The following SLC7A11 variants were observed in gnomAD, a reference collection of about 807,000 sequenced individuals.
SLC7A11 encodes solute carrier family 7 member 11.
A neutral mutation model predicts 54.5 loss-of-function variants in SLC7A11; 35 were observed. The ratio of observed to expected loss-of-function variants is 0.64; its 90% confidence interval spans 0.49 to 0.85. SLC7A11 has a LOEUF of 0.85. SLC7A11 is among the 40% of genes least tolerant of loss of function. The pLI, the probability that SLC7A11 is intolerant of heterozygous loss-of-function variation, is 0.00. For missense variants in SLC7A11, 583 were observed against 618.1 expected (o/e 0.94, Z 0.60); for synonymous variants, 230 against 225.2 (o/e 1.02, Z -0.19).
chr4:138,223,758 G>A (rs1018670763), intron 3 of SLC7A11, among the ~76,000 whole-genome samples: 1 of 152,112 alleles, frequency 6.6e-6, no homozygotes, highest in African/African-American at 2.4e-5. Flanking sequence ...TCACACTCAA[G>A]AAGGAGCAAG....
intron 6 of SLC7A11, among the ~76,000 whole-genome samples, chr4:138,202,782 C>T (rs902356080): frequency 2.6e-5 from 4 of 152,010 alleles, no homozygotes; most frequent in African/African-American, 9.7e-5. Context: ...GACATAAAAT[C>T]AAATATTTAC....
intron 6 of SLC7A11, among the ~76,000 whole-genome samples, chr4:138,196,260 C>T (rs1481125962): frequency 2.6e-5 from 4 of 152,092 alleles, no homozygotes; most frequent in Non-Finnish European, 4.4e-5. Context: ...CCATAAAACA[C>T]GAAAACAGCA....
intron 6 of SLC7A11, among the ~76,000 whole-genome samples, chr4:138,202,964 C>T (rs758148356): frequency 5.3e-5 from 8 of 152,016 alleles, no homozygotes; most frequent in African/African-American, 9.7e-5. Context: ...ACTTAGAATA[C>T]GAAATGAGTA....
At chr4:138,208,164 T>A (rs933259376) in intron 6 of SLC7A11, among the ~76,000 whole-genome samples, 1 of 152,120 alleles carries the variant, frequency 6.6e-6, no homozygotes, top group Non-Finnish European at 1.5e-5. Flanking sequence ...GGCAAAGTAT[T>A]AATTAAACAT....
chr4:138,177,623 G>A (rs1736611149), intron 11 of SLC7A11: 1 of 152,062 alleles, frequency 6.6e-6, no homozygotes, highest in Non-Finnish European at 1.5e-5. Context: ...CCTGAGCTCT[G>A]GTGTTCTCAT....
rs781262484 is a variant in SLC7A11, at chr4:138,232,312, C to G, written c.475G>C (p.Glu159Gln). The G allele has an allele frequency of 2.5e-6, 4 of 1,613,634 alleles. No homozygotes were observed. Among genetic ancestry groups the G allele is most frequent in the Non-Finnish European group, 3.4e-6 (4 of 1,179,670 alleles). Reference protein sequence around the residue: ...YILEPFFIQCEIPELAIKLIT... With the variant: ...YILEPFFIQCQIPELAIKLIT... ...AGCTTGATCGCAAGTTCAGGGATTT[C>G]ACATTGAATAAAAAATGGTTCCAGA... Residue 159 changes from glutamate (E) to glutamine (Q), a missense_variant, in exon 3 of 12, where the codon GAA (glutamate) becomes CAA (glutamine). By Grantham distance (29) the Glu-to-Gln change is conservative. Transcript: ENST00000280612.
In SLC7A11 at chr4:138,169,618, C is replaced by A. The variant is rs965320186; in HGVS notation, c.*2338G>T. 1 of 151,922 alleles carries A rather than the reference C, an allele frequency of 6.6e-6. No homozygotes were observed. The allele number at this position is 151,922 out of a possible 1,614,324, so 9.4% of individuals were successfully genotyped here. On this transcript the variant is annotated 3_prime_UTR_variant, in exon 12 of 12. Transcript: ENST00000280612. ...TAAGCACATTAACCCCAGGAAGAGC[C>A]AAGAACTACACAAACCTCTCTATGA...
intron 2 of SLC7A11, among the ~76,000 whole-genome samples, chr4:138,235,670 A>T (rs1738191183): frequency 6.6e-6 from 1 of 152,200 alleles, no homozygotes; most frequent in Non-Finnish European, 1.5e-5. Context: ...CTTCCCACAA[A>T]GTCGAAGGAA....
intron 10 of SLC7A11, 21 bp from the exon 11 acceptor site, chr4:138,179,415 A>T: frequency 6.2e-7 from 1 of 1,607,038 alleles, no homozygotes; most frequent in Non-Finnish European, 8.5e-7. Flanking sequence ...GAACACAAAA[A>T]AGTCACTTCA....
rs1394902696 is a variant in SLC7A11, at chr4:138,164,481, C to T, written c.*7475G>A. 3 of 152,136 alleles carry T rather than the reference C, an allele frequency of 2.0e-5. No individual in the cohort carries two copies. Among genetic ancestry groups the T allele is most frequent in the African/African-American group, 7.2e-5 (3 of 41,440 alleles). 9.4% of individuals were successfully genotyped at this position (152,136 alleles called of 1,614,324 possible). On this transcript the variant is annotated 3_prime_UTR_variant, in exon 12 of 12. Transcript: ENST00000280612. ...TTCACATATCACATGCTTGTGCAGG[C>T]ATCAGTGCTAGGAACCCTAAGAAAC...
In SLC7A11 at chr4:138,170,230, A is replaced by ATATATATATATATATATAT. The variant is rs1266957020; in HGVS notation, c.*1725_*1726insATATATATATATATATATA. On this transcript the variant is annotated 3_prime_UTR_variant, in exon 12 of 12. Transcript: ENST00000280612. ...CTATATATATATATATATATATATAAAAAGTGTGTGTGTGTGTGTGTATAT... is the reference window on the plus strand; with the variant it reads ...CTATATATATATATATATATATATAATATATATATATATATATATAAAGTGTGTGTGTGTGTGTGTATAT... 1.8e-3 allele frequency: 177 copies of ATATATATATATATATATAT among 98,228 alleles called. No homozygotes were observed. Among genetic ancestry groups the ATATATATATATATATATAT allele is most frequent in the Non-Finnish European group, 3.0e-3 (148 of 49,726 alleles). The allele number at this position is 98,228 out of a possible 1,614,324, so 6.1% of individuals were successfully genotyped here. A position where few individuals can be genotyped will look rare whatever the true frequency, so the allele number is the denominator to read the frequency against.
In SLC7A11 at chr4:138,180,644, G is replaced by A. The variant is rs1013618899; in HGVS notation, c.1263C>T (p.Phe421=). The part of the protein sequence containing the change: ...RYKCPDMHRP[F]KVPLFIPALF... ...CCATCAAGATTGCTGAGGTTACCTTGAAAGGACGATGCATATCTGGGCATT... is the reference window on the plus strand; with the variant it reads ...CCATCAAGATTGCTGAGGTTACCTTAAAAGGACGATGCATATCTGGGCATT... The change falls in exon 10 of 12, where the codon TTC becomes TTT. Residue 421 remains phenylalanine, a synonymous_variant. Transcript: ENST00000280612. 4 of 1,612,642 alleles carry A rather than the reference G, an allele frequency of 2.5e-6. No individual in the cohort carries two copies. The highest frequency in any genetic ancestry group is 3.4e-6 in the Non-Finnish European group (4 of 1,179,192).
chr4:138,182,189 T>C (rs1736758003), intron 9 of SLC7A11, 108 bp downstream of exon 9: 1 of 676,114 alleles, frequency 1.5e-6, no homozygotes. Flanking sequence ...ATGACATACA[T>C]TAGCAATGAA....
chr4:138,237,715 ATATATATATATATATATATATATTTTT>A (rs1163959805), intron 1 of SLC7A11, among the ~76,000 whole-genome samples: 5 of 6,436 alleles, frequency 7.8e-4, no homozygotes, highest in African/African-American at 2.2e-3. Context: ...ATATATATAT[ATATATATATATATATATATATATTTTT>A]TTTTTTTTTT....
At chr4:138,179,824 G>A (rs916384574) in intron 10 of SLC7A11, among the ~76,000 whole-genome samples, 1 of 152,046 alleles carries the variant, frequency 6.6e-6, no homozygotes, top group Non-Finnish European at 1.5e-5. Context: ...GTCTTTCAGT[G>A]CATATTGATT....
At position 138,168,432 on chromosome 4, in the gene SLC7A11, T is replaced by C. The variant is rs1426969006; in HGVS notation, c.*3524A>G. On this transcript the variant is annotated 3_prime_UTR_variant, in exon 12 of 12. Coordinates refer to ENST00000280612, the MANE Select transcript of SLC7A11 (RefSeq NM_014331.4). Reference sequence around the variant, plus strand: ...TACCTCAATTACAAAAGATCAACTTTAACAAAGGTCAGAGTTGCTCCCTTT... The same window carrying C: ...TACCTCAATTACAAAAGATCAACTTCAACAAAGGTCAGAGTTGCTCCCTTT... 1 of 152,210 alleles carries C rather than the reference T, an allele frequency of 6.6e-6. No individual in the cohort carries two copies. The allele number at this position is 152,210 out of a possible 1,614,324, so 9.4% of individuals were successfully genotyped here.
At position 138,167,852 on chromosome 4, in the gene SLC7A11, T is replaced by A. The variant is rs1209166244; in HGVS notation, c.*4104A>T. The stretch of plus-strand genomic sequence containing the variant: ...CTTTCATGGGCATTCAAATCCCACA[T>A]CTCTCTATATTTCTTTCCCAACTAA... On this transcript the variant is annotated 3_prime_UTR_variant, in exon 12 of 12. Transcript: ENST00000280612. 6.6e-6 allele frequency: 1 copy of A among 152,096 alleles called. No individual in the cohort carries two copies. The highest frequency in any genetic ancestry group is 1.5e-5 in the Non-Finnish European group (1 of 68,010). 9.4% of individuals were successfully genotyped at this position (152,096 alleles called of 1,614,324 possible). A position where few individuals can be genotyped will look rare whatever the true frequency, so the allele number is the denominator to read the frequency against.
At chr4:138,202,352 G>A (rs1028607883) in intron 6 of SLC7A11, among the ~76,000 whole-genome samples, 1 of 151,978 alleles carries the variant, frequency 6.6e-6, no homozygotes, top group Non-Finnish European at 1.5e-5. Flanking sequence ...TATGATCCTA[G>A]ATCTTCAGAT....
chr4:138,189,961 T>A (rs1182377678), intron 6 of SLC7A11, among the ~76,000 whole-genome samples: 1 of 152,110 alleles, frequency 6.6e-6, no homozygotes, highest in Non-Finnish European at 1.5e-5. Flanking sequence ...CGTCTGAATT[T>A]AGGATATTTC....
Sources: allele counts gnomAD v4.1 joint callset (sites outside exome capture counted in the v4.1 genomes callset), GRCh38; gene constraint gnomAD v4.1.1; transcripts MANE v1.5; gene names NCBI Gene and HGNC (gene_info 2026-07-23, HGNC 2026-07-21).